MYRIP: variants seen among roughly 807,000 people sequenced by gnomAD.
The protein encoded by MYRIP is rab effector MyRIP.
MYRIP carries 49 observed loss-of-function variants against 98.0 expected under a neutral mutation model. The observed-to-expected ratio is 0.50, with a 90% CI of 0.40 to 0.63. The LOEUF (loss-of-function observed/expected upper bound fraction) is 0.63, where lower values mean the gene tolerates loss of function less well. MYRIP is among the 30% of genes least tolerant of loss of function. The pLI, the probability that MYRIP is intolerant of heterozygous loss-of-function variation, is 0.00. For synonymous variants in MYRIP, 404 were observed against 409.5 expected (o/e 0.99, Z 0.16); for missense variants, 1,004 against 1,058.2 (o/e 0.95, Z 0.71).
chr3:39,945,691 C>T (rs952633874), intron 2 of MYRIP, among the ~76,000 whole-genome samples: 2 of 151,674 alleles, frequency 1.3e-5, no homozygotes, highest in Non-Finnish European at 2.9e-5. Context: ...AAAAGTTAAT[C>T]AAAAGAGAGA....
rs1317340148 is a variant in MYRIP at position 39,956,718 on chromosome 3, CA to C, written c.110+55798del. Among the ~76,000 whole-genome samples the C allele has an allele frequency of 2.0e-5, 3 of 149,284 alleles. No homozygotes were observed. The South Asian group carries it at 6.2e-4, about 31-fold the overall frequency. On this transcript the variant is annotated intron_variant, in intron 2 of 16. Coordinates refer to ENST00000302541, the MANE Select transcript of MYRIP (RefSeq NM_015460.4). ...GGAAATAGAGACACAAAAAACCCTT[CA>C]AAAAATCAATGAATCCAGGAGCTTG...
At chr3:39,910,753 T>A (rs1944001872) in intron 2 of MYRIP, among the ~76,000 whole-genome samples, 2 of 152,244 alleles carry the variant, frequency 1.3e-5, no homozygotes, top group African/African-American at 4.8e-5. Flanking sequence ...TTAAATTATA[T>A]ATATGGCTCA....
intron 2 of MYRIP, among the ~76,000 whole-genome samples, chr3:39,935,185 C>T (rs772831880): frequency 1.3e-5 from 2 of 152,164 alleles, no homozygotes; most frequent in Non-Finnish European, 2.9e-5. Context: ...TTTACATGTG[C>T]TTCTACAGGG....
intron 2 of MYRIP, among the ~76,000 whole-genome samples, chr3:40,003,096 T>C (rs1946557232): frequency 6.6e-6 from 1 of 151,714 alleles, no homozygotes; most frequent in Non-Finnish European, 1.5e-5. Context: ...TTTGTAGATA[T>C]CTATATATGT....
intron 10 of MYRIP, among the ~76,000 whole-genome samples, chr3:40,193,940 T>C (rs1951314986): frequency 6.6e-6 from 1 of 152,206 alleles, no homozygotes; most frequent in Non-Finnish European, 1.5e-5. Flanking sequence ...CTTACTGATT[T>C]TTAGGAATTA....
intron 2 of MYRIP, among the ~76,000 whole-genome samples, chr3:40,010,334 G>T (rs1946734337): frequency 6.6e-6 from 1 of 152,228 alleles, no homozygotes; most frequent in Non-Finnish European, 1.5e-5. Flanking sequence ...GGGGACAGCA[G>T]AGCTTCCTGT....
intron 3 of MYRIP, among the ~76,000 whole-genome samples, chr3:40,103,321 C>A (rs918172066): frequency 6.6e-6 from 1 of 152,204 alleles, no homozygotes; most frequent in Admixed American, 6.5e-5. Context: ...ACTGCCTGCC[C>A]CAAGAACTCT....
chr3:40,047,400 G>A (rs1947693100), intron 3 of MYRIP, among the ~76,000 whole-genome samples: 2 of 152,178 alleles, frequency 1.3e-5, no homozygotes, highest in South Asian at 4.1e-4. Flanking sequence ...TACCTGGAAA[G>A]ACATGCAACA....
chr3:40,237,931 A>G (rs578215395), intron 12 of MYRIP, among the ~76,000 whole-genome samples: 8 of 152,356 alleles, frequency 5.3e-5, no homozygotes, highest in African/African-American at 1.9e-4. Context: ...AAAGAATGCA[A>G]TGGCCTTATT....
At chr3:40,030,467 G>A (rs1402896792) in intron 2 of MYRIP, among the ~76,000 whole-genome samples, 1 of 152,100 alleles carries the variant, frequency 6.6e-6, no homozygotes, top group Non-Finnish European at 1.5e-5. Context: ...GTGTTACTAT[G>A]TGACCTACCA....
chr3:39,828,354 C>A (rs928803097), intron 1 of MYRIP, among the ~76,000 whole-genome samples: 1 of 151,842 alleles, frequency 6.6e-6, no homozygotes, highest in Middle Eastern at 3.2e-3. Flanking sequence ...GAAATTATTT[C>A]TTTTGTCCTG....
chr3:40,026,229 C>A (rs1224189714), intron 2 of MYRIP, among the ~76,000 whole-genome samples: 1 of 152,098 alleles, frequency 6.6e-6, no homozygotes, highest in South Asian at 2.1e-4. Context: ...CCTACTTGCA[C>A]GTCTGTTTGT....
intron 3 of MYRIP, among the ~76,000 whole-genome samples, chr3:40,111,672 C>T (rs1949159983): frequency 6.6e-6 from 1 of 151,934 alleles, no homozygotes; most frequent in Admixed American, 6.6e-5. Flanking sequence ...GGCTCTGAGT[C>T]CCCAGTCCAC....
intron 3 of MYRIP, among the ~76,000 whole-genome samples, chr3:40,147,531 G>A (rs1390313059): frequency 6.6e-6 from 1 of 152,116 alleles, no homozygotes; most frequent in Non-Finnish European, 1.5e-5. Context: ...AGAGACCAAA[G>A]TCATGACTTG....
At chr3:40,032,725 G>A (rs560042538) in intron 2 of MYRIP, among the ~76,000 whole-genome samples, 61 of 152,184 alleles carry the variant, frequency 4.0e-4, no homozygotes, top group African/African-American at 1.3e-3. Context: ...ATTTTATGAG[G>A]CCAGCATCAT....
At position 40,251,916 on chromosome 3, in the gene MYRIP, A is replaced by AAAAC. The variant is rs1427957050; in HGVS notation, c.2466_2469dup (p.Phe824AsnfsTer3). ...TGAGACATCTTCAGTGACTACCATTAAAACATTTAACCACAACTTCATTCT... is the reference window on the plus strand; with the variant it reads ...TGAGACATCTTCAGTGACTACCATTAAAACAAACATTTAACCACAACTTCATTCT... On this transcript the variant is annotated frameshift_variant, in exon 16 of 17. Transcript: ENST00000302541. LOFTEE classifies it high-confidence loss of function. The AAAAC allele has an allele frequency of 2.5e-6, 4 of 1,613,594 alleles. No individual in the cohort carries two copies. The African/African-American group carries it at 5.3e-5, about 22-fold the overall frequency.
intron 11 of MYRIP, among the ~76,000 whole-genome samples, chr3:40,213,794 G>T (rs1168145282): frequency 6.6e-6 from 1 of 152,192 alleles, no homozygotes; most frequent in Non-Finnish European, 1.5e-5. Flanking sequence ...CTACACAGAA[G>T]ACTAGCTGGA....
intron 2 of MYRIP, among the ~76,000 whole-genome samples, chr3:39,911,373 A>C (rs1298091076): frequency 6.6e-6 from 1 of 152,168 alleles, no homozygotes; most frequent in African/African-American, 2.4e-5. Context: ...TGGAGATTCA[A>C]ATATGTTCTC....
intron 2 of MYRIP, among the ~76,000 whole-genome samples, chr3:39,972,972 G>C (rs1046768058): frequency 5.3e-5 from 8 of 151,874 alleles, no homozygotes; most frequent in Non-Finnish European, 4.4e-5. Context: ...TGCATGTGTA[G>C]TAAGACTAAT....
Sources: gnomAD v4.1 joint callset for allele counts (sites outside exome capture counted in the v4.1 genomes callset) on GRCh38, gnomAD v4.1.1 for gene constraint, MANE v1.5 for transcripts, NCBI Gene and HGNC (gene_info 2026-07-23, HGNC 2026-07-21) for gene names.